DENND5A: variants seen among roughly 807,000 people sequenced by gnomAD.
DENND5A encodes the protein DENN domain-containing protein 5A.
A neutral mutation model predicts 140.3 loss-of-function variants in DENND5A; 64 were observed. That is an observed-to-expected ratio of 0.46 (90% confidence interval 0.37 to 0.56). The LOEUF is 0.56. Among genes scored for constraint, DENND5A ranks in the 20% least tolerant of loss-of-function variants. DENND5A has a pLI of 0.00. For synonymous variants in DENND5A, 605 were observed against 607.7 expected, an observed-to-expected ratio of 1.00 and a Z score of 0.07; for missense variants, 1,292 against 1,593.8, an observed-to-expected ratio of 0.81 and a Z score of 3.22.
At chr11:9,169,775 A>G in intron 10 of DENND5A, 81 bp downstream of exon 10, 6 of 927,782 alleles carry the variant, frequency 6.5e-6, no homozygotes, top group Non-Finnish European at 1.1e-5. Context: ...TTTGAATCAG[A>G]CCAGAGAACA....
At chr11:9,167,487 A>AG (rs1342895787) in intron 10 of DENND5A, among the ~76,000 whole-genome samples, 1 of 151,290 alleles carries the variant, frequency 6.6e-6, no homozygotes, top group Non-Finnish European at 1.5e-5. Context: ...AAAAAAAAAA[A>AG]AAAAAGAAAA....
chr11:9,260,686 C>A (rs1159237310), intron 1 of DENND5A, among the ~76,000 whole-genome samples: 1 of 152,180 alleles, frequency 6.6e-6, no homozygotes, highest in Non-Finnish European at 1.5e-5. Flanking sequence ...ACACATTCCT[C>A]AATTCCTTGC....
chr11:9,222,446 T>G (rs935163285), intron 1 of DENND5A, among the ~76,000 whole-genome samples: 1 of 152,176 alleles, frequency 6.6e-6, no homozygotes, highest in African/African-American at 2.4e-5. Flanking sequence ...TAAGTAGACT[T>G]AAAATACTGT....
intron 1 of DENND5A, among the ~76,000 whole-genome samples, chr11:9,241,329 C>T (rs944045995): frequency 6.6e-6 from 1 of 152,092 alleles, no homozygotes; most frequent in Non-Finnish European, 1.5e-5. Context: ...AGGCCCCATC[C>T]CCAGAGTTTA....
chr11:9,217,515 C>T (rs1850141367), intron 1 of DENND5A, among the ~76,000 whole-genome samples: 1 of 152,024 alleles, frequency 6.6e-6, no homozygotes, highest in South Asian at 2.1e-4. Flanking sequence ...AATTCCGTCT[C>T]AAATTAATTA....
chr11:9,163,850 A>C (rs965573495), intron 11 of DENND5A, among the ~76,000 whole-genome samples: 1 of 151,816 alleles, frequency 6.6e-6, no homozygotes, highest in African/African-American at 2.4e-5. Context: ...TAGAAAAAAA[A>C]AATGCAGAAA....
intron 1 of DENND5A, among the ~76,000 whole-genome samples, chr11:9,231,824 CTTTTT>C (rs943424948): frequency 6.7e-6 from 1 of 149,536 alleles, no homozygotes; most frequent in Non-Finnish European, 1.5e-5. Context: ...AATTCTCTCT[CTTTTT>C]TTTTAACAGA....
At chr11:9,220,286 G>A (rs113909607) in intron 1 of DENND5A, among the ~76,000 whole-genome samples, 4,748 of 152,268 alleles carry the variant, frequency 0.031, 239 homozygotes, top group African/African-American at 0.1. Context: ...AGTGGCTCAT[G>A]CCTGTAATCC....
intron 1 of DENND5A, among the ~76,000 whole-genome samples, chr11:9,228,622 G>A (rs998971982): frequency 4.6e-5 from 7 of 151,662 alleles, no homozygotes; most frequent in Non-Finnish European, 1.0e-4. Flanking sequence ...GGTGGCATGC[G>A]GCAGAAGAAT....
At chr11:9,243,316 G>A (rs941117263) in intron 1 of DENND5A, among the ~76,000 whole-genome samples, 5 of 152,054 alleles carry the variant, frequency 3.3e-5, no homozygotes, top group African/African-American at 1.2e-4. Flanking sequence ...TTAATACGCA[G>A]GGGAAAGAAT....
chr11:9,169,939 T>C lies in DENND5A; in HGVS notation c.2068A>G (p.Arg690Gly). Residue 690 changes from arginine to glycine, a missense_variant, in exon 10 of 23, where the codon AGG (arginine) becomes GGG (glycine). Physicochemically the swap from Arg to Gly is moderately radical, Grantham distance 125. Transcript: ENST00000328194. ...CGCCTCCACTGGGCAGGGGCATTCC[T>C]TTTCGTCCACCTAACACAATCAGAA... ...TGPASNKWTK[R>G]NAPAQWRRKD... is the part of the protein sequence containing the mutation. 6.2e-7 allele frequency: 1 copy of C among 1,611,930 alleles called. No individual in the cohort carries two copies. Among genetic ancestry groups the C allele is most frequent in the South Asian group, 1.1e-5 (1 of 91,026 alleles).
At chr11:9,200,972 G>A (rs919168114) in intron 4 of DENND5A, among the ~76,000 whole-genome samples, 1 of 152,128 alleles carries the variant, frequency 6.6e-6, no homozygotes, top group African/African-American at 2.4e-5. Flanking sequence ...CTGCCATTGT[G>A]GAGGTCCATT....
intron 4 of DENND5A, among the ~76,000 whole-genome samples, chr11:9,202,302 C>CT (rs1456380641): frequency 6.6e-6 from 1 of 151,910 alleles, no homozygotes; most frequent in Non-Finnish European, 1.5e-5. Flanking sequence ...ACCAGAGAAA[C>CT]TTTAATATAG....
intron 1 of DENND5A, among the ~76,000 whole-genome samples, chr11:9,246,639 A>AAC (rs2136282783): frequency 6.6e-6 from 1 of 151,790 alleles, no homozygotes; most frequent in East Asian, 1.9e-4. Context: ...AAAGGAAGTA[A>AAC]ACACTGAAAG....
At chr11:9,207,125 T>A (rs879604996) in intron 2 of DENND5A, 6 of 432,678 alleles carry the variant, frequency 1.4e-5, no homozygotes, top group South Asian at 4.2e-5. Context: ...GAAAGCCACA[T>A]TTAATTTGCT....
At position 9,201,905 on chromosome 11, in the gene DENND5A, A is replaced by G. The variant is rs74052993; in HGVS notation, c.949+1755T>C. Among the ~76,000 whole-genome samples, 328 of 152,342 alleles carry G rather than the reference A, an allele frequency of 2.2e-3. 1 individual carries two copies. The highest frequency in any genetic ancestry group is 7.6e-3 in the African/African-American group (315 of 41,592). ...CATGTTAATTACCAAGGGAAAAATT[A>G]TAACTTTCCAGTTAAGAAACCACAG... On this transcript the variant is annotated intron_variant, in intron 4 of 22. Transcript: ENST00000328194.
rs535183339 is a variant in DENND5A, at chr11:9,228,322, A to C, written c.110-20690T>G. The stretch of plus-strand genomic sequence containing the variant: ...TGGTGGCTGGTCACCAGAAAGACCA[A>C]GGATGATTACAGGATTGAAACTTTC... On this transcript the variant is annotated intron_variant, in intron 1 of 22. Coordinates refer to ENST00000328194, the MANE Select transcript of DENND5A (RefSeq NM_015213.4). Among the ~76,000 whole-genome samples the C allele has an allele frequency of 3.1e-4, 47 of 152,258 alleles. 1 individual carries two copies. The South Asian group carries it at 5.4e-3, about 17-fold the overall frequency.
intron 11 of DENND5A, among the ~76,000 whole-genome samples, chr11:9,161,382 A>G (rs544709647): frequency 6.6e-6 from 1 of 152,316 alleles, no homozygotes; most frequent in Admixed American, 6.5e-5. Flanking sequence ...GGAAAGGATA[A>G]GAACACAGCA....
At chr11:9,174,087 A>G (rs1848464896) in intron 8 of DENND5A, among the ~76,000 whole-genome samples, 1 of 134,466 alleles carries the variant, frequency 7.4e-6, no homozygotes, top group South Asian at 2.7e-4. Context: ...TGGGCGATAG[A>G]GCAAGACTCC....
Sources: allele counts gnomAD v4.1 joint callset (sites outside exome capture counted in the v4.1 genomes callset), GRCh38; gene constraint gnomAD v4.1.1; transcripts MANE v1.5; gene names NCBI Gene and HGNC (gene_info 2026-07-23, HGNC 2026-07-21).